The following ALK variants were observed in gnomAD, a reference collection of about 807,000 sequenced individuals.
ALK encodes ALK tyrosine kinase receptor.
ALK carries 74 observed loss-of-function variants against 163.1 expected under a neutral mutation model. The observed-to-expected ratio is 0.45, with a 90% confidence interval of 0.38 to 0.55. ALK has a LOEUF of 0.55. Among genes scored for constraint, ALK ranks in the 20% least tolerant of loss-of-function variants. The pLI, the probability that ALK is intolerant of heterozygous loss-of-function variation, is 0.00. For missense variants in ALK, 2,063 were observed against 2,105.3 expected, an observed-to-expected ratio of 0.98 and a Z score of 0.39; for synonymous variants, 960 against 843.2, an observed-to-expected ratio of 1.14 and a Z score of -2.40.
At chr2:29,803,160 C>A (rs1164020363) in intron 1 of ALK, among the ~76,000 whole-genome samples, 1 of 152,074 alleles carries the variant, frequency 6.6e-6, no homozygotes, top group African/African-American at 2.4e-5. Flanking sequence ...TGTGTCTATG[C>A]CAGCAAAACA....
chr2:29,630,660 A>T (rs1676341882), intron 3 of ALK, among the ~76,000 whole-genome samples: 1 of 152,174 alleles, frequency 6.6e-6, no homozygotes, highest in Non-Finnish European at 1.5e-5. Context: ...GGTATCAGGA[A>T]TCTTTCTAGA....
rs1411463138 is a variant in ALK at position 29,831,203 on chromosome 2, G to GA, written c.667+88789_667+88790insT. Among the ~76,000 whole-genome samples the GA allele has an allele frequency of 4.2e-4, 27 of 64,166 alleles. 8 individuals are homozygous for GA. The highest frequency in any genetic ancestry group is 7.0e-4 in the Non-Finnish European group (23 of 33,092). 42.1% of individuals were successfully genotyped at this position (64,166 alleles called of 152,430 possible). ...AGGGGAAGGGGAAGGGGAAGGGGAA[G>GA]GGGAAGAGGAAGAGGAAGAGGAAGA... On this transcript the variant is annotated intron_variant, in intron 1 of 28. Transcript: ENST00000389048.
chr2:29,880,066 G>A (rs1482917786), intron 1 of ALK, among the ~76,000 whole-genome samples: 1 of 152,202 alleles, frequency 6.6e-6, no homozygotes, highest in Admixed American at 6.5e-5. Flanking sequence ...TCTGTTAGAG[G>A]CTGCTGTCTT....
chr2:29,227,600 C>G lies in ALK; in HGVS notation c.2888G>C (p.Gly963Ala). The G allele has an allele frequency of 1.2e-6, 2 of 1,614,044 alleles. No individual in the cohort carries two copies. The highest frequency in any genetic ancestry group is 1.7e-6 in the Non-Finnish European group (2 of 1,179,986). Reference sequence around the variant, plus strand: ...TTTTAAAGCTGGGGTGTACAGGATGCCCAGTGGACTGATGAAGGAAACCCC... The same window carrying G: ...TTTTAAAGCTGGGGTGTACAGGATGGCCAGTGGACTGATGAAGGAAACCCC... ...EDGVSFISPL[G>A]ILYTPALKVM... Residue 963 changes from glycine to alanine, a missense_variant, in exon 17 of 29, where the codon GGC (glycine) becomes GCC (alanine). Gly to Ala is a moderately conservative substitution (Grantham distance 60). Transcript: ENST00000389048. The surrounding 1 kb of genome is among the most constrained non-coding windows in gnomAD (Gnocchi z 4.4).
intron 4 of ALK, among the ~76,000 whole-genome samples, chr2:29,489,974 C>T (rs1161000101): frequency 6.6e-6 from 1 of 152,226 alleles, no homozygotes; most frequent in African/African-American, 2.4e-5. Context: ...CACATGCTGG[C>T]CGGGACTCCA....
At chr2:29,667,224 T>G (rs1349739018) in intron 3 of ALK, among the ~76,000 whole-genome samples, 2 of 152,112 alleles carry the variant, frequency 1.3e-5, no homozygotes, top group East Asian at 3.9e-4. Flanking sequence ...GAACATATAG[T>G]AGTTTTATTT....
chr2:29,287,904 A>G (rs1479244270), intron 9 of ALK, among the ~76,000 whole-genome samples: 1 of 152,096 alleles, frequency 6.6e-6, no homozygotes, highest in Admixed American at 6.5e-5. Flanking sequence ...CGAGCAGGAA[A>G]TAACATTTCT....
intron 4 of ALK, among the ~76,000 whole-genome samples, chr2:29,475,005 C>A (rs1476861929): frequency 1.3e-5 from 2 of 151,526 alleles, no homozygotes; most frequent in Non-Finnish European, 2.9e-5. Flanking sequence ...GAAGTTTCTG[C>A]AGAAGAAACC....
chr2:29,400,226 C>T (rs1669411078), intron 4 of ALK, among the ~76,000 whole-genome samples: 1 of 152,192 alleles, frequency 6.6e-6, no homozygotes, highest in Admixed American at 6.5e-5. Context: ...ATACTCCTGT[C>T]AGTCTGATAT....
chr2:29,827,500 A>G (rs902988520), intron 1 of ALK, among the ~76,000 whole-genome samples: 11 of 152,170 alleles, frequency 7.2e-5, no homozygotes, highest in African/African-American at 2.7e-4. Context: ...CTGTTTTCTG[A>G]TTAGTATTTA....
chr2:29,915,701 G>C (rs1438976176), intron 1 of ALK, among the ~76,000 whole-genome samples: 1 of 152,174 alleles, frequency 6.6e-6, no homozygotes, highest in Non-Finnish European at 1.5e-5. Flanking sequence ...GCCAGTAGGA[G>C]TCCACCAAAT....
chr2:29,595,894 C>G (rs1675200969), intron 3 of ALK, among the ~76,000 whole-genome samples: 1 of 152,124 alleles, frequency 6.6e-6, no homozygotes, highest in Non-Finnish European at 1.5e-5. Flanking sequence ...GCAGAAGAAC[C>G]CTGGACACTG....
At chr2:29,472,200 G>A (rs563331737) in intron 4 of ALK, among the ~76,000 whole-genome samples, 41 of 152,354 alleles carry the variant, frequency 2.7e-4, no homozygotes, top group African/African-American at 9.1e-4. Context: ...CCAGTCTACT[G>A]TTGGCATCAA....
chr2:29,627,709 A>G (rs1224827449), intron 3 of ALK, among the ~76,000 whole-genome samples: 2 of 152,212 alleles, frequency 1.3e-5, no homozygotes, highest in African/African-American at 4.8e-5. Context: ...AGTTCTATGA[A>G]TCAAATATGA....
intron 4 of ALK, among the ~76,000 whole-genome samples, chr2:29,506,769 T>C (rs1289033690): frequency 6.6e-6 from 1 of 150,664 alleles, no homozygotes; most frequent in Non-Finnish European, 1.5e-5. Context: ...AAAAAAAAAG[T>C]TAAGCAGGAT....
chr2:29,633,647 G>T (rs971134908), intron 3 of ALK, among the ~76,000 whole-genome samples: 1 of 151,550 alleles, frequency 6.6e-6, no homozygotes, highest in Non-Finnish European at 1.5e-5. Flanking sequence ...TCTTTGAAAA[G>T]ATCAATACAA....
chr2:29,651,219 T>C (rs1035646668), intron 3 of ALK, among the ~76,000 whole-genome samples: 3 of 152,104 alleles, frequency 2.0e-5, no homozygotes, highest in African/African-American at 4.8e-5. Flanking sequence ...CCTGACATGA[T>C]AGTGGGGGCT....
Position 29,402,055 on chromosome 2 carries a change from T to G in ALK, c.1155-18196A>C, listed in dbSNP as rs529855933. On this transcript the variant is annotated intron_variant, in intron 4 of 28. Coordinates refer to ENST00000389048, the MANE Select transcript of ALK (RefSeq NM_004304.5). ...GGTTAGAGTTGGGCTGTGTTTTACA[T>G]CCCTCCCTTCACAAGAGATCAGTGG... Among the ~76,000 whole-genome samples, 186 of 152,286 alleles carry G rather than the reference T, an allele frequency of 1.2e-3. 2 individuals carry two copies. The highest frequency in any genetic ancestry group is 4.3e-3 in the African/African-American group (178 of 41,556).
chr2:29,354,978 G>C (rs1454794612), intron 5 of ALK, among the ~76,000 whole-genome samples: 1 of 152,098 alleles, frequency 6.6e-6, no homozygotes, highest in African/African-American at 2.4e-5. Context: ...GTGTTAGCCA[G>C]GATGGTCTCA....
Sources: gnomAD v4.1 joint callset for allele counts (sites outside exome capture counted in the v4.1 genomes callset) on GRCh38, gnomAD v4.1.1 for gene constraint, Gnocchi (gnomAD v3.1) non-coding constraint, MANE v1.5 for transcripts, NCBI Gene and HGNC (gene_info 2026-07-23, HGNC 2026-07-21) for gene names.